The following NREP variants were observed in gnomAD, a reference collection of about 807,000 sequenced individuals.
NREP encodes neuronal regeneration related protein, also known as neuronal regeneration-related protein.
Under a neutral mutation model 8.6 loss-of-function variants are expected in NREP, and 5 were observed. That is an observed-to-expected ratio of 0.58 (90% CI 0.30 to 1.22). The LOEUF (loss-of-function observed/expected upper bound fraction) is 1.22, where lower values mean the gene tolerates loss of function less well. Among genes scored for constraint, NREP ranks in the 50% most tolerant of loss-of-function variants. NREP has a pLI of 0.07. For synonymous variants in NREP, 27 were observed against 28.0 expected (o/e 0.96, Z 0.11); for missense variants, 86 against 82.5 (o/e 1.04, Z -0.17).
chr5:111,869,077 C>A (rs1466044397), intron 2 of NREP, among the ~76,000 whole-genome samples: 1 of 152,112 alleles, frequency 6.6e-6, no homozygotes, highest in African/African-American at 2.4e-5. Context: ...TACGTGGGAG[C>A]CACAAGGTGG....
At chr5:111,933,207 C>T (rs1035506813) in intron 2 of NREP, among the ~76,000 whole-genome samples, 1 of 152,064 alleles carries the variant, frequency 6.6e-6, no homozygotes, top group Non-Finnish European at 1.5e-5. Context: ...TCTCTCCATG[C>T]CTATGGTTCT....
At chr5:111,827,489 G>A (rs1280226515) in intron 2 of NREP, among the ~76,000 whole-genome samples, 2 of 152,226 alleles carry the variant, frequency 1.3e-5, no homozygotes, top group Admixed American at 6.5e-5. Flanking sequence ...CCAAGGTTAT[G>A]AGGTCATCCA....
intron 2 of NREP, among the ~76,000 whole-genome samples, chr5:111,863,548 A>C (rs1439398107): frequency 6.6e-6 from 1 of 152,166 alleles, no homozygotes; most frequent in Non-Finnish European, 1.5e-5. Flanking sequence ...TCCAGGACCA[A>C]GCCTTAAGAA....
intron 2 of NREP, among the ~76,000 whole-genome samples, chr5:111,971,836 GA>G (rs1207345610): frequency 1.3e-5 from 2 of 151,922 alleles, no homozygotes; most frequent in Non-Finnish European, 2.9e-5. Flanking sequence ...ACTGGACAAT[GA>G]TTTTTTTTAA....
chr5:111,876,738 T>A (rs920426069), intron 2 of NREP, among the ~76,000 whole-genome samples: 1 of 152,248 alleles, frequency 6.6e-6, no homozygotes, highest in Admixed American at 6.5e-5. Flanking sequence ...ATTTTATTCA[T>A]AGTTTATTTA....
chr5:111,798,602 T>C (rs1337851982), intron 2 of NREP, among the ~76,000 whole-genome samples: 2 of 152,204 alleles, frequency 1.3e-5, no homozygotes, highest in Non-Finnish European at 2.9e-5. Flanking sequence ...AGGGCCCATA[T>C]ATGAATGAGA....
At chr5:111,923,796 G>A (rs948810328) in intron 2 of NREP, among the ~76,000 whole-genome samples, 2 of 152,150 alleles carry the variant, frequency 1.3e-5, no homozygotes, top group Non-Finnish European at 2.9e-5. Flanking sequence ...AAGACTGAAT[G>A]CCTTCCCTAT....
chr5:111,888,412 G>T (rs1205075897), intron 2 of NREP, among the ~76,000 whole-genome samples: 1 of 152,104 alleles, frequency 6.6e-6, no homozygotes, highest in Non-Finnish European at 1.5e-5. Flanking sequence ...TCTTCACAGG[G>T]TGGCAGGATG....
At chr5:111,813,373 C>G (rs1752312312) in intron 2 of NREP, among the ~76,000 whole-genome samples, 1 of 152,114 alleles carries the variant, frequency 6.6e-6, no homozygotes, top group African/African-American at 2.4e-5. Context: ...GAGCTATCTT[C>G]ATGCTTTTGA....
At chr5:111,793,115 A>C (rs1247287349) in intron 2 of NREP, among the ~76,000 whole-genome samples, 1 of 152,204 alleles carries the variant, frequency 6.6e-6, no homozygotes, top group Non-Finnish European at 1.5e-5. Flanking sequence ...AATTCAAATG[A>C]AACATGGGCA....
chr5:111,805,000 C>CAACAAA (rs1298888747), intron 2 of NREP, among the ~76,000 whole-genome samples: 1 of 6,848 alleles, frequency 1.5e-4, no homozygotes, highest in African/African-American at 5.9e-4. Flanking sequence ...GACTCCGTCT[C>CAACAAA]AACAACAACA....
At chr5:111,900,257 C>A (rs1054113039) in intron 2 of NREP, among the ~76,000 whole-genome samples, 3 of 151,780 alleles carry the variant, frequency 2.0e-5, no homozygotes, top group Non-Finnish European at 2.9e-5. Flanking sequence ...TACAACATAT[C>A]AAAAACCTAT....
At chr5:111,751,278 C>T (rs1002460724) in intron 2 of NREP, among the ~76,000 whole-genome samples, 14 of 152,132 alleles carry the variant, frequency 9.2e-5, no homozygotes, top group Admixed American at 2.0e-4. Flanking sequence ...GGTATTACTA[C>T]TAATAACTGA....
intron 2 of NREP, among the ~76,000 whole-genome samples, chr5:111,838,132 A>C (rs2112944705): frequency 6.6e-6 from 1 of 152,290 alleles, no homozygotes. Flanking sequence ...TAATATCAGT[A>C]ATTAAAACAT....
At chr5:111,807,761 G>A (rs1376694092) in intron 2 of NREP, among the ~76,000 whole-genome samples, 3 of 152,102 alleles carry the variant, frequency 2.0e-5, no homozygotes, top group Non-Finnish European at 4.4e-5. Context: ...AAATGTCTCA[G>A]CAGTTCCATG....
intron 2 of NREP, among the ~76,000 whole-genome samples, chr5:111,771,759 A>C (rs1251891735): frequency 6.7e-6 from 1 of 148,834 alleles, no homozygotes; most frequent in African/African-American, 2.5e-5. Context: ...GTGAAACTCC[A>C]TCTCAAAAAA....
At chr5:111,864,611 G>A (rs570255567) in intron 2 of NREP, among the ~76,000 whole-genome samples, 1 of 152,078 alleles carries the variant, frequency 6.6e-6, no homozygotes, top group African/African-American at 2.4e-5. Flanking sequence ...GATCTCCTTA[G>A]GGTAGTGATA....
intron 2 of NREP, among the ~76,000 whole-genome samples, chr5:111,818,494 T>C (rs1056367031): frequency 2.6e-5 from 4 of 152,240 alleles, no homozygotes; most frequent in Non-Finnish European, 5.9e-5. Context: ...GTCTGTTTTG[T>C]TCTGTGGCCA....
intron 2 of NREP, among the ~76,000 whole-genome samples, chr5:111,949,796 A>G (rs1314715528): frequency 6.6e-6 from 1 of 152,110 alleles, no homozygotes; most frequent in Admixed American, 6.5e-5. Flanking sequence ...TCCATGGTGT[A>G]TATGTGCCAC....
Sources: allele counts gnomAD v4.1 joint callset (sites outside exome capture counted in the v4.1 genomes callset), GRCh38; gene constraint gnomAD v4.1.1; transcripts MANE v1.5; gene names NCBI Gene and HGNC (gene_info 2026-07-23, HGNC 2026-07-21).